ARRDC5: variants seen among roughly 807,000 people sequenced by gnomAD.
ARRDC5 encodes arrestin domain-containing protein 5.
A neutral mutation model predicts 13.3 loss-of-function variants in ARRDC5; 12 were observed. That is an observed-to-expected ratio of 0.90 (90% confidence interval 0.58 to 1.46). ARRDC5 has a LOEUF of 1.46. Ranked by LOEUF, ARRDC5 falls within the 40% of genes most tolerant of loss-of-function variation. The pLI is 0.00. For missense variants in ARRDC5, 406 were observed against 418.7 expected (o/e 0.97, Z 0.26); for synonymous variants, 181 against 173.4 (o/e 1.04, Z -0.34).
the ARRDC5 span, among the ~76,000 whole-genome samples, chr19:4,916,711 C>T: frequency 6.6e-6 from 1 of 152,210 alleles, no homozygotes; most frequent in South Asian, 2.1e-4. Flanking sequence ...TTTTTCCTTC[C>T]TCCCTTCTCT....
chr19:4,906,205 C>T (rs1277784268), upstream of ARRDC5, among the ~76,000 whole-genome samples: 1 of 152,026 alleles, frequency 6.6e-6, no homozygotes, highest in Non-Finnish European at 1.5e-5. Flanking sequence ...TCTCAAACTC[C>T]CGGGCGCAAG....
intron 1 of ARRDC5, among the ~76,000 whole-genome samples, chr19:4,900,693 T>C (rs1599220737): frequency 6.6e-6 from 1 of 152,268 alleles, no homozygotes; most frequent in South Asian, 2.1e-4. Context: ...AGAGTACTCC[T>C]CTGGTGGAAC....
upstream of ARRDC5, among the ~76,000 whole-genome samples, chr19:4,905,539 T>C (rs1271838277): frequency 4.0e-5 from 6 of 151,068 alleles, no homozygotes; most frequent in Non-Finnish European, 8.9e-5. Context: ...ATTTTTGAGA[T>C]GGAGTTTTGC....
At chr19:4,913,617 C>T in the ARRDC5 span, among the ~76,000 whole-genome samples, 31 of 151,994 alleles carry the variant, frequency 2.0e-4, 1 homozygote, top group African/African-American at 5.8e-4. Flanking sequence ...CTAGCCTTGC[C>T]GGAACTCACC....
At chr19:4,891,654 C>G in intron 2 of ARRDC5, 81 bp from the exon 3 acceptor site, 1 of 1,327,770 alleles carries the variant, frequency 7.5e-7, no homozygotes. Flanking sequence ...ACCCTGGGAA[C>G]TCCTCAAAGT....
Position 4,896,594 on chromosome 19 carries a change from C to T in ARRDC5, c.459+77G>A. The T allele has an allele frequency of 6.2e-6, 7 of 1,124,954 alleles. 2 individuals are homozygous for T. In the South Asian group the frequency reaches 6.5e-5, roughly 10 times the overall value. The allele number at this position is 1,124,954 out of a possible 1,614,324, so 69.7% of individuals were successfully genotyped here. A position where few individuals can be genotyped will look rare whatever the true frequency, so the allele number is the denominator to read the frequency against. On this transcript the variant is annotated intron_variant, in intron 2 of 2. Coordinates refer to ENST00000650722, the MANE Select transcript of ARRDC5 (RefSeq NM_001080523.3). ...CTTCTCCCCATGGGACCTTCTCTGT[C>T]CCCTGCCTGCCCACCTTCCCTCTTC...
chr19:4,898,839 C>T (rs1356345942), intron 1 of ARRDC5, among the ~76,000 whole-genome samples: 1 of 151,664 alleles, frequency 6.6e-6, no homozygotes, highest in African/African-American at 2.4e-5. Flanking sequence ...GTTGGTCAGG[C>T]TGGTCTTGAA....
At position 4,891,323 on chromosome 19, in the gene ARRDC5, A is replaced by G; in HGVS notation, c.710T>C (p.Leu237Pro). The change falls in exon 3 of 3, where the codon CTG (leucine) becomes CCG (proline). Residue 237 changes from leucine (L) to proline (P), a missense_variant. Transcript: ENST00000650722. ...RRSRLDSSEL[L>P]RQEANTPVTR... ...CACGGGGGTGTTGGCCTCCTGCCTCAGAAGCTCGCTGCTGTCCAGCCGAGA... is the reference window on the plus strand; with the variant it reads ...CACGGGGGTGTTGGCCTCCTGCCTCGGAAGCTCGCTGCTGTCCAGCCGAGA... The G allele has an allele frequency of 6.2e-7, 1 of 1,613,892 alleles. No homozygotes were observed. Among genetic ancestry groups the G allele is most frequent in the Non-Finnish European group, 8.5e-7 (1 of 1,179,866 alleles).
At position 4,893,462 on chromosome 19, in the gene ARRDC5, C is replaced by T. The variant is rs553849125; in HGVS notation, c.460-1889G>A. 3.1e-3 allele frequency among the ~76,000 whole-genome samples: 457 copies of T among 149,346 alleles called. 3 individuals carry two copies. The highest frequency in any genetic ancestry group is 0.011 in the African/African-American group (439 of 40,758). On this transcript the variant is annotated intron_variant, in intron 2 of 2. Coordinates refer to ENST00000650722, the MANE Select transcript of ARRDC5 (RefSeq NM_001080523.3). ...CTGAGGTTGCAGTGAGGCTGAGATC[C>T]AGCCCTGCACTCCAGCCTGAGCAAC...
Position 4,891,452 on chromosome 19 carries a change from G to A in ARRDC5, c.581C>T (p.Thr194Ile), listed in dbSNP as rs543322920. ...TFTPGEKVVF[T>I]TEINNQTSKC... is the part of the protein sequence containing the mutation. ...GCTGGTCTGGTTGTTGATCTCTGTT[G>A]TGAAGACGACCTTCTCTCCTGGCGT... The change falls in exon 3 of 3, where the codon ACA becomes ATA. Residue 194 changes from threonine to isoleucine, a missense_variant. Transcript: ENST00000650722. 13 of 1,613,510 alleles carry A rather than the reference G, an allele frequency of 8.1e-6. No homozygotes were observed. The African/African-American group carries it at 9.3e-5, about 12-fold the overall frequency.
chr19:4,896,644 C>T (rs751147920), intron 2 of ARRDC5, 27 bp downstream of exon 2: 3 of 1,563,698 alleles, frequency 1.9e-6, no homozygotes, highest in Non-Finnish European at 2.6e-6. Flanking sequence ...GAGATTGTTC[C>T]CACCTCCACC....
At chr19:4,908,109 A>C in the ARRDC5 span, among the ~76,000 whole-genome samples, 1 of 152,136 alleles carries the variant, frequency 6.6e-6, no homozygotes, top group Non-Finnish European at 1.5e-5. Flanking sequence ...TTTTAAGGAC[A>C]TTGTGCCCAC....
chr19:4,898,835 C>A (rs542459253), intron 1 of ARRDC5, among the ~76,000 whole-genome samples: 1 of 151,812 alleles, frequency 6.6e-6, no homozygotes, highest in African/African-American at 2.4e-5. Context: ...CCATGTTGGT[C>A]AGGCTGGTCT....
chr19:4,902,865 C>T lies in ARRDC5; in HGVS notation c.-40G>A. ...TAGAGAGACATTCCTCTCTGTCCCCCATGTCCCTGAAATTCCCGGTTCGTT... is the reference window on the plus strand; with the variant it reads ...TAGAGAGACATTCCTCTCTGTCCCCTATGTCCCTGAAATTCCCGGTTCGTT... On this transcript the variant is annotated 5_prime_UTR_variant, in exon 1 of 3. An upstream start codon of the reference 5' UTR is lost. Coordinates refer to ENST00000650722, the MANE Select transcript of ARRDC5 (RefSeq NM_001080523.3). 1 of 1,612,596 alleles carries T rather than the reference C, an allele frequency of 6.2e-7. No homozygotes were observed. Among genetic ancestry groups the T allele is most frequent in the Non-Finnish European group, 8.5e-7 (1 of 1,179,130 alleles).
Position 4,902,694 on chromosome 19 carries a change from G to C in ARRDC5, c.132C>G (p.Leu44=). 1 of 1,613,950 alleles carries C rather than the reference G, an allele frequency of 6.2e-7. No homozygotes were observed. The highest frequency in any genetic ancestry group is 8.5e-7 in the Non-Finnish European group (1 of 1,179,892). Residue 44 remains leucine, a synonymous_variant, in exon 1 of 3, where the codon CTC becomes CTG. Transcript: ENST00000650722. ...TLVDPIVKVE[L]VGRGYVEWSE... is the part of the protein sequence containing the mutation. ...TCCATTCGACGTAACCCCTTCCCAC[G>C]AGCTCCACCTTCACTATGGGGTCCA...
intron 1 of ARRDC5, among the ~76,000 whole-genome samples, chr19:4,901,374 G>C (rs2031906714): frequency 6.6e-6 from 1 of 152,080 alleles, no homozygotes; most frequent in Non-Finnish European, 1.5e-5. Context: ...CCAGTACTTT[G>C]GGAGGCCGAG....
At chr19:4,909,317 G>T in the ARRDC5 span, 1 of 556,172 alleles carries the variant, frequency 1.8e-6, no homozygotes, top group Non-Finnish European at 3.1e-6. Flanking sequence ...AGCAGAGCGC[G>T]CAGGGCTGGG....
At chr19:4,912,257 G>GCCTGGCGCTCTCTTCCTCCCTCCT in the ARRDC5 span, among the ~76,000 whole-genome samples, 30 of 152,186 alleles carry the variant, frequency 2.0e-4, no homozygotes, top group African/African-American at 7.0e-4. Context: ...GAGGAGCTCC[G>GCCTGGCGCTCTCTTCCTCCCTCCT]CCTGGCGCTC....
At position 4,896,684 on chromosome 19, in the gene ARRDC5, T is replaced by C; in HGVS notation, c.446A>G (p.Glu149Gly). 1 of 1,612,658 alleles carries C rather than the reference T, an allele frequency of 6.2e-7. No homozygotes were observed. The highest frequency in any genetic ancestry group is 8.5e-7 in the Non-Finnish European group (1 of 1,178,846). ...LVQGTSTFHK[E>G]TPFQNPLFVE... Reference sequence around the variant, plus strand: ...CCCCATCGGTACCTGGAATGGGGTTTCTTTGTGGAAGGTGGAAGTTCCTTG... The same window carrying C: ...CCCCATCGGTACCTGGAATGGGGTTCCTTTGTGGAAGGTGGAAGTTCCTTG... Residue 149 changes from glutamate (E) to glycine (G), a missense_variant, in exon 2 of 3, where the codon GAA (glutamate) becomes GGA (glycine). Coordinates refer to ENST00000650722, the MANE Select transcript of ARRDC5 (RefSeq NM_001080523.3).
Sources: gnomAD v4.1 joint callset for allele counts (sites outside exome capture counted in the v4.1 genomes callset) on GRCh38, gnomAD v4.1.1 for gene constraint, MANE v1.5 for transcripts, NCBI Gene and HGNC (gene_info 2026-07-23, HGNC 2026-07-21) for gene names.